The following RARB variants were observed in gnomAD, a reference collection of about 807,000 sequenced individuals.
The protein encoded by RARB is HBV-activated protein.
A neutral mutation model predicts 51.9 loss-of-function variants in RARB; 17 were observed. The ratio of observed to expected loss-of-function variants is 0.33; its 90% CI spans 0.22 to 0.49. The LOEUF (loss-of-function observed/expected upper bound fraction) is 0.49. RARB is among the 20% of genes least tolerant of loss of function. The pLI is 0.99. For synonymous variants in RARB, 215 were observed against 195.4 expected (o/e 1.10, Z -0.84); for missense variants, 369 against 550.8 (o/e 0.67, Z 3.30).
intron 5 of RARB, among the ~76,000 whole-genome samples, chr3:25,364,267 A>G (rs533393632): frequency 3.3e-5 from 5 of 152,294 alleles, no homozygotes; most frequent in South Asian, 4.1e-4. Flanking sequence ...CAAGTACTCA[A>G]TGAATATTTG....
intron 4 of RARB, among the ~76,000 whole-genome samples, chr3:25,156,779 TG>T (rs1359454448): frequency 6.6e-6 from 1 of 152,136 alleles, no homozygotes; most frequent in African/African-American, 2.4e-5. Context: ...TTTTCCCTCC[TG>T]AAAGAGTTTA....
intron 3 of RARB, among the ~76,000 whole-genome samples, chr3:25,527,499 G>C (rs944660801): frequency 2.6e-5 from 4 of 152,150 alleles, no homozygotes; most frequent in African/African-American, 9.7e-5. Context: ...GTCAGCTGTG[G>C]GTTCAATTCC....
chr3:25,118,261 T>TA (rs1263227013), intron 3 of RARB, among the ~76,000 whole-genome samples: 1 of 152,120 alleles, frequency 6.6e-6, no homozygotes, highest in Admixed American at 6.6e-5. Flanking sequence ...TCTACCAAGA[T>TA]AAAATTAATG....
At chr3:25,270,810 G>A (rs989205872) in intron 5 of RARB, among the ~76,000 whole-genome samples, 1 of 152,238 alleles carries the variant, frequency 6.6e-6, no homozygotes, top group East Asian at 1.9e-4. Flanking sequence ...GTTGTAACAG[G>A]TTGGTGCAAA....
At chr3:25,165,365 G>C (rs1196481831) in intron 4 of RARB, among the ~76,000 whole-genome samples, 1 of 152,062 alleles carries the variant, frequency 6.6e-6, no homozygotes, top group Non-Finnish European at 1.5e-5. Context: ...TTCTCTCTCT[G>C]TCTTTCTAGG....
intron 5 of RARB, among the ~76,000 whole-genome samples, chr3:25,309,792 G>A (rs994179586): frequency 2.6e-5 from 4 of 152,088 alleles, no homozygotes; most frequent in African/African-American, 9.7e-5. Flanking sequence ...ACCGTGCCCA[G>A]CCTCATAATT....
chr3:25,193,972 C>A (rs1245366232), intron 5 of RARB, among the ~76,000 whole-genome samples: 1 of 151,802 alleles, frequency 6.6e-6, no homozygotes, highest in Non-Finnish European at 1.5e-5. Flanking sequence ...TTTAATATTA[C>A]ACTATTCACA....
rs1336372087 is a variant in RARB at position 25,569,747 on chromosome 3, C to T, written c.449-11C>T. 2.5e-6 allele frequency: 4 copies of T among 1,611,482 alleles called. No individual in the cohort carries two copies. The highest frequency in any genetic ancestry group is 3.4e-6 in the Non-Finnish European group (4 of 1,178,832). The stretch of plus-strand genomic sequence containing the variant: ...CAGCGACCCCTGATGTGCCTTCTCT[C>T]TCGTTTCCAGCTGTCAGGAATGACA... On this transcript the variant is annotated splice_polypyrimidine_tract_variant and intron_variant, in intron 3 of 7. Transcript: ENST00000330688.
chr3:25,083,630 G>T (rs1170350528), intron 3 of RARB, among the ~76,000 whole-genome samples: 1 of 151,884 alleles, frequency 6.6e-6, no homozygotes, highest in African/African-American at 2.4e-5. Flanking sequence ...GTCATGTCTG[G>T]GTTTCTGTAT....
chr3:25,012,481 T>C (rs1281328303), intron 2 of RARB, among the ~76,000 whole-genome samples: 1 of 152,148 alleles, frequency 6.6e-6, no homozygotes, highest in Non-Finnish European at 1.5e-5. Context: ...CTAGAAGCTC[T>C]GTGTTCCTCA....
intron 5 of RARB, among the ~76,000 whole-genome samples, chr3:25,588,156 TGTGAAATACTACACAGCA>T (rs1701474502): frequency 6.6e-6 from 1 of 152,220 alleles, no homozygotes; most frequent in Non-Finnish European, 1.5e-5. Context: ...TGGTTTGCAT[TGTGAAATACTACACAGCA>T]GTGAAAAAGA....
At chr3:25,102,580 T>A (rs6550947) in intron 3 of RARB, among the ~76,000 whole-genome samples, 111,585 of 151,844 alleles carry the variant, frequency 0.73, 41,479 homozygotes, top group Admixed American at 0.81. Flanking sequence ...AAAATACACA[T>A]GTTCAAAATA....
intron 5 of RARB, among the ~76,000 whole-genome samples, chr3:25,270,168 C>T (rs920211577): frequency 3.3e-5 from 5 of 152,140 alleles, no homozygotes; most frequent in Non-Finnish European, 7.4e-5. Flanking sequence ...TAACTAGAGA[C>T]TCAAACAGAT....
chr3:25,545,014 G>A (rs1311409575), intron 3 of RARB, among the ~76,000 whole-genome samples: 2 of 152,108 alleles, frequency 1.3e-5, no homozygotes, highest in African/African-American at 2.4e-5. Context: ...CAGGCTGGAG[G>A]GCAGTGGCAT....
intron 5 of RARB, among the ~76,000 whole-genome samples, chr3:25,262,919 G>A (rs1703040606): frequency 6.6e-6 from 1 of 152,104 alleles, no homozygotes; most frequent in African/African-American, 2.4e-5. Flanking sequence ...ATAAGCATTT[G>A]TATGTTCTCT....
At chr3:24,863,304 G>GT (rs1180869413) in intron 2 of RARB, among the ~76,000 whole-genome samples, 1 of 152,178 alleles carries the variant, frequency 6.6e-6, no homozygotes, top group East Asian at 1.9e-4. Context: ...CAGATGCTTT[G>GT]TTTATAACCA....
At chr3:25,292,335 C>G (rs1161060982) in intron 5 of RARB, among the ~76,000 whole-genome samples, 1 of 152,128 alleles carries the variant, frequency 6.6e-6, no homozygotes, top group Non-Finnish European at 1.5e-5. Flanking sequence ...AAGTCCTCCC[C>G]GATGTCACAG....
intron 5 of RARB, among the ~76,000 whole-genome samples, chr3:25,376,665 G>T (rs1339240679): frequency 6.6e-6 from 1 of 152,126 alleles, no homozygotes; most frequent in African/African-American, 2.4e-5. Context: ...TTTTCTGTTG[G>T]CATTAATGGA....
At chr3:25,091,018 C>A (rs1319701556) in intron 3 of RARB, among the ~76,000 whole-genome samples, 2 of 152,114 alleles carry the variant, frequency 1.3e-5, no homozygotes, top group Non-Finnish European at 1.5e-5. Context: ...TACAGCTTTG[C>A]GTGCAATTAT....
Sources: gnomAD v4.1 joint callset for allele counts (sites outside exome capture counted in the v4.1 genomes callset) on GRCh38, gnomAD v4.1.1 for gene constraint, MANE v1.5 for transcripts, NCBI Gene and HGNC (gene_info 2026-07-23, HGNC 2026-07-21) for gene names.